Variants in SGCZ observed in about 807,000 individuals in gnomAD.
SGCZ encodes the protein zeta-sarcoglycan.
In SGCZ, 40 loss-of-function variants were observed where a neutral mutation model predicts 41.3. The observed-to-expected ratio is 0.97, with a 90% CI of 0.75 to 1.26. SGCZ has a LOEUF of 1.26. Among genes scored for constraint, SGCZ ranks in the 50% most tolerant of loss-of-function variants. SGCZ has a pLI of 0.00. For missense variants in SGCZ, 552 were observed against 369.8 expected (o/e 1.49, Z -4.04); for synonymous variants, 206 against 137.5 (o/e 1.50, Z -3.49).
intron 1 of SGCZ, among the ~76,000 whole-genome samples, chr8:15,233,294 T>G (rs1323218054): frequency 6.9e-6 from 1 of 144,204 alleles, no homozygotes; most frequent in Non-Finnish European, 1.5e-5. Context: ...CAAGCTTGAC[T>G]CTCCTGGGCT....
chr8:14,206,843 C>T (rs766758211), intron 4 of SGCZ, among the ~76,000 whole-genome samples: 1 of 152,032 alleles, frequency 6.6e-6, no homozygotes, highest in Non-Finnish European at 1.5e-5. Flanking sequence ...TTCAGTATGC[C>T]CCTTCCCTAA....
intron 2 of SGCZ, among the ~76,000 whole-genome samples, chr8:14,548,207 A>C (rs1803691212): frequency 6.6e-6 from 1 of 152,170 alleles, no homozygotes; most frequent in South Asian, 2.1e-4. Context: ...AGAGCTAATA[A>C]ATGAGAAAGC....
intron 5 of SGCZ, among the ~76,000 whole-genome samples, chr8:14,127,947 A>ACT (rs1802916552): frequency 6.6e-6 from 1 of 152,020 alleles, no homozygotes; most frequent in African/African-American, 2.4e-5. Flanking sequence ...AGTAGACCAA[A>ACT]GTGTCTGTTG....
In SGCZ at chr8:15,047,991, T is replaced by C. The variant is rs77567450; in HGVS notation, c.39+189594A>G. ...CAGCAACCCCACTACTGGATATATA[T>C]GCAATGAAAGTGCAATCAGTATGCC... is the stretch of plus-strand genomic sequence containing the variant. On this transcript the variant is annotated intron_variant, in intron 1 of 7. Coordinates refer to ENST00000382080, the MANE Select transcript of SGCZ (RefSeq NM_139167.4). Among the ~76,000 whole-genome samples, 303 of 152,080 alleles carry C rather than the reference T, an allele frequency of 2.0e-3. 1 individual carries two copies. Among genetic ancestry groups the C allele is most frequent in the African/African-American group, 7.0e-3 (291 of 41,532 alleles).
At chr8:14,884,175 ACT>A (rs893306957) in intron 1 of SGCZ, among the ~76,000 whole-genome samples, 8 of 151,952 alleles carry the variant, frequency 5.3e-5, no homozygotes, top group African/African-American at 1.9e-4. Context: ...TTTCTCTAAG[ACT>A]CTGATTAATT....
rs1386260114 is a variant in SGCZ at position 15,203,786 on chromosome 8, A to AAATATCCAAG, written c.39+33789_39+33798dup. On this transcript the variant is annotated intron_variant, in intron 1 of 7. Coordinates refer to ENST00000382080, the MANE Select transcript of SGCZ (RefSeq NM_139167.4). ...CAATAACCTCCTTGTCCATCAAAGG[A>AAATATCCAAG]AATATCCAAGAAATAACACTAAAAT... is the stretch of plus-strand genomic sequence containing the variant. 5.9e-5 allele frequency among the ~76,000 whole-genome samples: 9 copies of AAATATCCAAG among 152,332 alleles called. No individual in the cohort carries two copies. In the East Asian group the frequency reaches 1.2e-3, roughly 20 times the overall value.
At chr8:14,856,778 G>A (rs749172425) in intron 1 of SGCZ, among the ~76,000 whole-genome samples, 61 of 152,100 alleles carry the variant, frequency 4.0e-4, no homozygotes, top group African/African-American at 1.4e-3. Context: ...ACAGGTTTAC[G>A]CAGACAGTCA....
At chr8:14,262,819 G>GA (rs576967089) in intron 3 of SGCZ, among the ~76,000 whole-genome samples, 3,911 of 120,520 alleles carry the variant, frequency 0.032, 157 homozygotes, top group African/African-American at 0.1. Context: ...AATACTTCAA[G>GA]AAAAAAAAAA....
At chr8:14,231,363 T>A (rs185296246) in intron 4 of SGCZ, among the ~76,000 whole-genome samples, 1 of 152,002 alleles carries the variant, frequency 6.6e-6, no homozygotes, top group Admixed American at 6.6e-5. Context: ...GTCTTCAGCC[T>A]TTTTTAAGGA....
At chr8:14,813,930 G>A (rs1316614601) in intron 1 of SGCZ, among the ~76,000 whole-genome samples, 1 of 152,060 alleles carries the variant, frequency 6.6e-6, no homozygotes, top group Non-Finnish European at 1.5e-5. Context: ...TCCAGCCTGG[G>A]CAACAGAGTG....
intron 1 of SGCZ, among the ~76,000 whole-genome samples, chr8:14,650,848 G>T (rs1807374891): frequency 6.6e-6 from 1 of 152,050 alleles, no homozygotes; most frequent in Non-Finnish European, 1.5e-5. Flanking sequence ...ATAGAGGGGA[G>T]TGATATGTTA....
chr8:14,912,569 A>G lies in SGCZ; in HGVS notation c.39+325016T>C, dbSNP rs532112238. Reference sequence around the variant, plus strand: ...ATGGAATATAGTAGTGATGTTTCCAAGTTGTCATGGTTACTTACTTGTCAA... The same window carrying G: ...ATGGAATATAGTAGTGATGTTTCCAGGTTGTCATGGTTACTTACTTGTCAA... On this transcript the variant is annotated intron_variant, in intron 1 of 7. Transcript: ENST00000382080. Among the ~76,000 whole-genome samples the G allele has an allele frequency of 2.6e-5, 4 of 152,192 alleles. No individual in the cohort carries two copies. The South Asian group carries it at 8.3e-4, about 32-fold the overall frequency.
intron 1 of SGCZ, among the ~76,000 whole-genome samples, chr8:14,836,633 G>A (rs576981372): frequency 2.2e-3 from 342 of 152,218 alleles, no homozygotes; most frequent in Non-Finnish European, 4.2e-3. Context: ...CAAACAGCTG[G>A]GATCGCAGGT....
intron 1 of SGCZ, among the ~76,000 whole-genome samples, chr8:14,677,480 A>C (rs1431961149): frequency 6.6e-6 from 1 of 152,106 alleles, no homozygotes; most frequent in African/African-American, 2.4e-5. Context: ...CAACAAACTG[A>C]TTCTATATGG....
chr8:15,134,647 G>A (rs1358441883), intron 1 of SGCZ, among the ~76,000 whole-genome samples: 1 of 152,086 alleles, frequency 6.6e-6, no homozygotes, highest in Non-Finnish European at 1.5e-5. Flanking sequence ...AGCATACACA[G>A]CTGATTCTAT....
chr8:15,119,869 G>A (rs541954783), intron 1 of SGCZ, among the ~76,000 whole-genome samples: 15 of 152,178 alleles, frequency 9.9e-5, no homozygotes, highest in Non-Finnish European at 1.9e-4. Flanking sequence ...GAGTGCAGTA[G>A]TGCGATCATA....
intron 1 of SGCZ, among the ~76,000 whole-genome samples, chr8:15,080,802 C>A (rs1247344345): frequency 2.0e-5 from 3 of 152,022 alleles, no homozygotes; most frequent in Admixed American, 2.0e-4. Flanking sequence ...CCATGTTGGC[C>A]AGGCTGGTCT....
At chr8:14,706,323 T>C (rs1216286615) in intron 1 of SGCZ, among the ~76,000 whole-genome samples, 1 of 141,000 alleles carries the variant, frequency 7.1e-6, no homozygotes, top group Admixed American at 6.8e-5. Flanking sequence ...GGGATTCTTT[T>C]TGACAATTGT....
At chr8:14,630,267 A>C (rs1021413098) in intron 1 of SGCZ, among the ~76,000 whole-genome samples, 2 of 151,868 alleles carry the variant, frequency 1.3e-5, no homozygotes, top group African/African-American at 2.4e-5. Context: ...TAGTGGGAAT[A>C]AATCTGCTTA....
Sources: gnomAD v4.1 joint callset for allele counts (sites outside exome capture counted in the v4.1 genomes callset) on GRCh38, gnomAD v4.1.1 for gene constraint, MANE v1.5 for transcripts, NCBI Gene and HGNC (gene_info 2026-07-23, HGNC 2026-07-21) for gene names.